The following TECTA variants were observed in gnomAD, a reference collection of about 807,000 sequenced individuals.
TECTA encodes tectorin alpha.
A neutral mutation model predicts 216.8 loss-of-function variants in TECTA; 128 were observed. The ratio of observed to expected loss-of-function variants is 0.59; its 90% CI spans 0.51 to 0.68. The LOEUF is 0.68. Among genes scored for constraint, TECTA ranks in the 30% least tolerant of loss-of-function variants. TECTA has a pLI of 0.00. For missense variants in TECTA, 2,551 were observed against 2,786.2 expected, an observed-to-expected ratio of 0.92 and a Z score of 1.90; for synonymous variants, 1,089 against 1,117.1, an observed-to-expected ratio of 0.97 and a Z score of 0.50.
At chr11:121,137,363 C>G in intron 10 of TECTA, 58 bp from the exon 11 acceptor site, 2 of 1,612,254 alleles carry the variant, frequency 1.2e-6, no homozygotes, top group Non-Finnish European at 1.7e-6. Flanking sequence ...TGCACGCACA[C>G]TTCTGTCTCT....
intron 22 of TECTA, 73 bp downstream of exon 22, chr11:121,189,240 T>C: frequency 1.3e-6 from 2 of 1,496,728 alleles, no homozygotes; most frequent in Non-Finnish European, 1.9e-6. Flanking sequence ...GTGTTTCACC[T>C]CTGATGTGGG....
At chr11:121,147,776 T>C (rs12285467) in intron 12 of TECTA, among the ~76,000 whole-genome samples, 41,395 of 151,890 alleles carry the variant, frequency 0.27, 7,136 homozygotes, top group African/African-American at 0.49. Flanking sequence ...CCTGCAGCCA[T>C]GCTGTGCTGG....
At chr11:121,189,625 C>G (rs771836385) in intron 22 of TECTA, 139 bp from the exon 23 acceptor site, 4 of 756,904 alleles carry the variant, frequency 5.3e-6, no homozygotes, top group South Asian at 1.4e-5. Flanking sequence ...CCACCCGCCT[C>G]GGCCTCCCAA....
In TECTA at chr11:121,118,324, G is replaced by C. The variant is rs763571876; in HGVS notation, c.809G>C (p.Gly270Ala). Residue 270 changes from glycine (G) to alanine (A), a missense_variant, in exon 7 of 24, where the codon GGG becomes GCG. By Grantham distance (60) the Gly-to-Ala change is moderately conservative. Coordinates refer to ENST00000392793, the MANE Select transcript of TECTA (RefSeq NM_005422.4). ...TCCCCAGGACAATTCCTTCGGCGAG[G>C]GGAGGTGTTTTGGGATGACTTGAAC... is the stretch of plus-strand genomic sequence containing the variant. The part of the protein sequence containing the change: ...CTSRGQFLRR[G>A]EVFWDDLNCT... 11 of 1,614,168 alleles carry C rather than the reference G, an allele frequency of 6.8e-6. No homozygotes were observed. The highest frequency in any genetic ancestry group is 9.3e-6 in the Non-Finnish European group (11 of 1,180,036).
In TECTA at chr11:121,190,935, T is replaced by G; in HGVS notation, c.*129T>G. On this transcript the variant is annotated 3_prime_UTR_variant, in exon 24 of 24. Coordinates refer to ENST00000392793, the MANE Select transcript of TECTA (RefSeq NM_005422.4). ...GCATCTCAAAATGATGCCACCTGCC[T>G]CCAATGGTCCAAGGTCCAGAAACCA... The G allele has an allele frequency of 2.8e-6, 2 of 721,138 alleles. No individual in the cohort carries two copies. Among genetic ancestry groups the G allele is most frequent in the Non-Finnish European group, 2.4e-6 (1 of 419,014 alleles). The allele number at this position is 721,138 out of a possible 1,614,324, so 44.7% of individuals were successfully genotyped here.
Position 121,162,248 on chromosome 11 carries a change from G to C in TECTA, c.5150G>C (p.Cys1717Ser), listed in dbSNP as rs1947008177. Reference protein sequence around the residue: ...LLDPLPFYESCYLDGCYSHKK... With the variant: ...LLDPLPFYESSYLDGCYSHKK... Reference sequence around the variant, plus strand: ...GATCCCCTCCCATTCTACGAGTCCTGCTACCTGGACGGCTGCTACAGCCAC... The same window carrying C: ...GATCCCCTCCCATTCTACGAGTCCTCCTACCTGGACGGCTGCTACAGCCAC... The change falls in exon 16 of 24, where the codon TGC becomes TCC. Residue 1717 changes from cysteine (C) to serine (S), a missense_variant. Coordinates refer to ENST00000392793, the MANE Select transcript of TECTA (RefSeq NM_005422.4). 1 of 1,613,992 alleles carries C rather than the reference G, an allele frequency of 6.2e-7. No homozygotes were observed. The highest frequency in any genetic ancestry group is 1.7e-5 in the Admixed American group (1 of 60,018).
At chr11:121,116,717 A>G (rs1469981984) in intron 6 of TECTA, among the ~76,000 whole-genome samples, 1 of 152,146 alleles carries the variant, frequency 6.6e-6, no homozygotes. Context: ...CATTCCACAA[A>G]CAAAATTATC....
intron 10 of TECTA, among the ~76,000 whole-genome samples, chr11:121,132,531 C>T (rs1464346429): frequency 6.6e-6 from 1 of 152,080 alleles, no homozygotes; most frequent in Non-Finnish European, 1.5e-5. Flanking sequence ...CCTAGAGTGT[C>T]ATTGATTCTA....
intron 13 of TECTA, among the ~76,000 whole-genome samples, chr11:121,154,308 T>A (rs1398266084): frequency 2.0e-5 from 3 of 152,166 alleles, no homozygotes; most frequent in Non-Finnish European, 4.4e-5. Flanking sequence ...TCACTTTCAG[T>A]GGAGAATTTA....
chr11:121,127,790 G>A lies in TECTA; in HGVS notation c.1813G>A (p.Val605Met), dbSNP rs1390890390. The A allele has an allele frequency of 4.3e-6, 7 of 1,614,114 alleles. No individual in the cohort carries two copies. The highest frequency in any genetic ancestry group is 1.1e-5 in the South Asian group (1 of 91,072). ...GTGCCCGAGCTTCAGCCACTACTCCGTGTGCACAAGCAGCTGCCCCGACAC... is the reference window on the plus strand; with the variant it reads ...GTGCCCGAGCTTCAGCCACTACTCCATGTGCACAAGCAGCTGCCCCGACAC... Reference protein sequence around the residue: ...VQCPSFSHYSVCTSSCPDTCS... With the variant: ...VQCPSFSHYSMCTSSCPDTCS... Residue 605 changes from valine to methionine, a missense_variant, in exon 9 of 24, where the codon GTG becomes ATG. By Grantham distance (21) the Val-to-Met change is conservative. Around this residue, in one of 3 missense-constraint regions of TECTA, gnomAD observed 2,375 missense variants for 2,563.9 expected, o/e 0.93. Coordinates refer to ENST00000392793, the MANE Select transcript of TECTA (RefSeq NM_005422.4). The surrounding 1 kb of genome is among the most constrained non-coding windows in gnomAD (Gnocchi z 5.0).
intron 3 of TECTA, among the ~76,000 whole-genome samples, chr11:121,107,087 C>A (rs370471971): frequency 2.0e-5 from 3 of 152,264 alleles, no homozygotes; most frequent in African/African-American, 7.2e-5. Flanking sequence ...TGTTCCCTAG[C>A]AAACACTTCA....
At chr11:121,162,007 G>A (rs1045936110) in intron 15 of TECTA, 68 bp from the exon 16 acceptor site, 3 of 1,605,384 alleles carry the variant, frequency 1.9e-6, no homozygotes, top group African/African-American at 2.7e-5. Flanking sequence ...AGCAAAACAG[G>A]TACAGATGCA....
intron 10 of TECTA, among the ~76,000 whole-genome samples, chr11:121,132,371 G>T (rs1565524903): frequency 6.6e-6 from 1 of 152,186 alleles, no homozygotes; most frequent in Admixed American, 6.5e-5. Flanking sequence ...ATCATTCGTT[G>T]CTTTCCACGA....
At chr11:121,159,828 C>T (rs909145207) in intron 14 of TECTA, among the ~76,000 whole-genome samples, 7 of 152,244 alleles carry the variant, frequency 4.6e-5, no homozygotes, top group African/African-American at 1.7e-4. Flanking sequence ...CCTACTTCTG[C>T]TCCATAGTTT....
Position 121,113,495 on chromosome 11 carries a change from C to T in TECTA, c.625-58C>T. ...GATTTTAAAAATAAGGTAGTTGGGC[C>T]AGTTAACCCATGGGGAATTTTTGTA... On this transcript the variant is annotated intron_variant, in intron 5 of 23. Coordinates refer to ENST00000392793, the MANE Select transcript of TECTA (RefSeq NM_005422.4). This position sits in a 1 kb window ranked among gnomAD's most constrained non-coding sequence, Gnocchi z 4.2. 1 of 1,607,620 alleles carries T rather than the reference C, an allele frequency of 6.2e-7. No homozygotes were observed. The highest frequency in any genetic ancestry group is 1.1e-5 in the South Asian group (1 of 90,776).
intron 17 of TECTA, 40 bp downstream of exon 17, chr11:121,165,423 A>T (rs748110950): frequency 2.0e-6 from 3 of 1,514,466 alleles, no homozygotes; most frequent in Non-Finnish European, 2.7e-6. Context: ...GAAAGGCCCC[A>T]TGGGAGATGC....
intron 12 of TECTA, among the ~76,000 whole-genome samples, chr11:121,147,579 A>T (rs1484780156): frequency 2.0e-5 from 3 of 152,198 alleles, no homozygotes; most frequent in Non-Finnish European, 2.9e-5. Flanking sequence ...GTCTGGATAA[A>T]TCCCCAGGGC....
intron 13 of TECTA, 110 bp downstream of exon 13, chr11:121,153,190 C>T: frequency 2.3e-6 from 3 of 1,326,202 alleles, no homozygotes; most frequent in Non-Finnish European, 3.1e-6. Context: ...TGAAGAGCGT[C>T]GTGTTCGTGG....
chr11:121,188,945 C>A, intron 21 of TECTA, 135 bp from the exon 22 acceptor site: 2 of 805,520 alleles, frequency 2.5e-6, no homozygotes, highest in Non-Finnish European at 4.3e-6. Context: ...ATCAAGAATG[C>A]ATTGGTTCTA....
Sources: allele counts gnomAD v4.1 joint callset (sites outside exome capture counted in the v4.1 genomes callset), GRCh38; gene constraint gnomAD v4.1.1; regional missense constraint gnomAD v4.1.1; non-coding constraint Gnocchi (gnomAD v3.1); transcripts MANE v1.5; gene names NCBI Gene and HGNC (gene_info 2026-07-23, HGNC 2026-07-21).